PCDH15: variants seen among roughly 807,000 people sequenced by gnomAD.
PCDH15 encodes protocadherin-15.
A neutral mutation model predicts 178.5 loss-of-function variants in PCDH15; 129 were observed. The observed-to-expected ratio is 0.72, with a 90% CI of 0.63 to 0.84. PCDH15 has a LOEUF of 0.84. Among genes scored for constraint, PCDH15 ranks in the 40% least tolerant of loss-of-function variants. The probability of loss-of-function intolerance (pLI) is 0.00; values close to 1 mark genes in which losing one functional copy is unlikely to be tolerated. For missense variants in PCDH15, 2,230 were observed against 2,099.9 expected, an observed-to-expected ratio of 1.06 and a Z score of -1.21; for synonymous variants, 800 against 732.0, an observed-to-expected ratio of 1.09 and a Z score of -1.50.
At chr10:55,400,013 G>T (rs1199292527) in intron 2 of PCDH15, among the ~76,000 whole-genome samples, 2 of 151,950 alleles carry the variant, frequency 1.3e-5, no homozygotes, top group Admixed American at 6.6e-5. Context: ...ACTCCCAGGT[G>T]GTTATTCAAT....
At chr10:55,322,336 G>A (rs1341636971), upstream of PCDH15, among the ~76,000 whole-genome samples, 1 of 152,184 alleles carries the variant, frequency 6.6e-6, no homozygotes, top group East Asian at 1.9e-4. Flanking sequence ...TCTTGGGTAT[G>A]TCTTTATTAG....
At chr10:54,352,867 A>T (rs1233208254) in intron 5 of PCDH15, among the ~76,000 whole-genome samples, 2 of 152,136 alleles carry the variant, frequency 1.3e-5, no homozygotes, top group Non-Finnish European at 2.9e-5. Context: ...AACAATGAGA[A>T]CTATGATTCA....
At chr10:55,141,799 T>C (rs1474344886) in intron 2 of PCDH15, among the ~76,000 whole-genome samples, 1 of 151,936 alleles carries the variant, frequency 6.6e-6, no homozygotes, top group Non-Finnish European at 1.5e-5. Context: ...AAAAGTAAGC[T>C]CATTAAAAGA....
chr10:55,001,276 T>G (rs74136320), intron 2 of PCDH15, among the ~76,000 whole-genome samples: 265 of 152,330 alleles, frequency 1.7e-3, no homozygotes, highest in African/African-American at 6.2e-3. Context: ...GTTGTCTGCA[T>G]GCCTTATTCT....
chr10:54,336,498 C>T (rs1941175057), intron 6 of PCDH15, among the ~76,000 whole-genome samples: 1 of 152,186 alleles, frequency 6.6e-6, no homozygotes, highest in African/African-American at 2.4e-5. Flanking sequence ...GCTGCTCCAG[C>T]CATGGCTATA....
At chr10:53,968,917 G>C (rs1041371714) in intron 21 of PCDH15, among the ~76,000 whole-genome samples, 1 of 152,142 alleles carries the variant, frequency 6.6e-6, no homozygotes, top group African/African-American at 2.4e-5. Flanking sequence ...GAGCAGAAAA[G>C]TTGAAATTCT....
chr10:54,463,452 A>G (rs1435442430), intron 3 of PCDH15, among the ~76,000 whole-genome samples: 3 of 152,198 alleles, frequency 2.0e-5, no homozygotes, highest in Non-Finnish European at 2.9e-5. Context: ...TTAGCTGGTG[A>G]GAGAGCCAGG....
intron 2 of PCDH15, among the ~76,000 whole-genome samples, chr10:55,568,951 T>A (rs2132107547): frequency 6.6e-6 from 1 of 152,116 alleles, no homozygotes; most frequent in Admixed American, 6.6e-5. Context: ...TTGAAATCTC[T>A]GAGAGAGGGA....
intron 3 of PCDH15, among the ~76,000 whole-genome samples, chr10:54,892,611 A>G (rs974199896): frequency 5.9e-5 from 9 of 151,926 alleles, no homozygotes; most frequent in African/African-American, 2.2e-4. Context: ...GAGTGATTAT[A>G]AACCAATAAT....
At chr10:54,853,330 CATAT>C (rs1953672620) in intron 3 of PCDH15, among the ~76,000 whole-genome samples, 1 of 88,216 alleles carries the variant, frequency 1.1e-5, no homozygotes, top group African/African-American at 5.2e-5. Context: ...CATACACACA[CATAT>C]ACATATATAT....
At chr10:54,852,419 G>A (rs1013625193) in intron 3 of PCDH15, among the ~76,000 whole-genome samples, 2 of 152,112 alleles carry the variant, frequency 1.3e-5, no homozygotes, top group Non-Finnish European at 2.9e-5. Flanking sequence ...GAGGATATGA[G>A]ATTATGGAGG....
intron 2 of PCDH15, among the ~76,000 whole-genome samples, chr10:55,592,841 A>G (rs1278981492): frequency 1.3e-5 from 2 of 152,110 alleles, no homozygotes; most frequent in African/African-American, 4.8e-5. Context: ...TCTTATATAT[A>G]CCATGCATAT....
intron 2 of PCDH15, among the ~76,000 whole-genome samples, chr10:54,533,008 C>T (rs962435617): frequency 6.6e-6 from 1 of 152,176 alleles, no homozygotes; most frequent in Non-Finnish European, 1.5e-5. Context: ...CCCTGAGGTA[C>T]TGGGCTAGCA....
At chr10:54,747,585 C>T (rs1249762567) in intron 1 of PCDH15, among the ~76,000 whole-genome samples, 3 of 152,132 alleles carry the variant, frequency 2.0e-5, no homozygotes, top group Non-Finnish European at 4.4e-5. Context: ...CATTAACCTG[C>T]ATTTCCAGAA....
At chr10:53,958,699 G>A (rs2087887772) in intron 23 of PCDH15, among the ~76,000 whole-genome samples, 1 of 152,000 alleles carries the variant, frequency 6.6e-6, no homozygotes, top group Non-Finnish European at 1.5e-5. Flanking sequence ...TTTCTGTTGT[G>A]GCCGGGCACA....
chr10:54,829,642 CTG>C (rs1041530676), intron 3 of PCDH15, among the ~76,000 whole-genome samples: 1 of 152,040 alleles, frequency 6.6e-6, no homozygotes, highest in African/African-American at 2.4e-5. Flanking sequence ...AGTACTCACT[CTG>C]TGTTTCAAAA....
rs976397603 is a variant in PCDH15, at chr10:54,076,869, G to A, written c.2091+2462C>T. Among the ~76,000 whole-genome samples the A allele has an allele frequency of 4.3e-4, 65 of 151,856 alleles. 1 individual carries two copies. Among genetic ancestry groups the A allele is most frequent in the Admixed American group, 6.6e-5 (1 of 15,260 alleles). ...GCAATTTGTTTCACACAAATTGCTT[G>A]TTAACATTTTCATTTCAATAAATTC... On this transcript the variant is annotated intron_variant, in intron 17 of 37. Transcript: ENST00000644397.
chr10:54,853,316 T>TACACATACATACATATAC (rs1231984925), intron 3 of PCDH15, among the ~76,000 whole-genome samples: 10 of 115,130 alleles, frequency 8.7e-5, no homozygotes, highest in African/African-American at 3.6e-4. Flanking sequence ...TATATATATA[T>TACACATACATACATATAC]ATACATACAC....
intron 3 of PCDH15, among the ~76,000 whole-genome samples, chr10:54,393,519 T>A (rs1230685776): frequency 6.6e-6 from 1 of 152,172 alleles, no homozygotes; most frequent in African/African-American, 2.4e-5. Flanking sequence ...GAGGCAAACG[T>A]TAAGAGGAAG....
Sources: gnomAD v4.1 joint callset for allele counts (sites outside exome capture counted in the v4.1 genomes callset) on GRCh38, gnomAD v4.1.1 for gene constraint, MANE v1.5 for transcripts, NCBI Gene and HGNC (gene_info 2026-07-23, HGNC 2026-07-21) for gene names.